The following HPS4 variants were observed in gnomAD, a reference collection of about 807,000 sequenced individuals.
HPS4 encodes BLOC-3 complex member HPS4.
Under a neutral mutation model 70.3 loss-of-function variants are expected in HPS4, and 44 were observed. The observed-to-expected ratio is 0.63, with a 90% CI of 0.49 to 0.80. HPS4 has a LOEUF of 0.80. Among genes scored for constraint, HPS4 ranks in the 30% least tolerant of loss-of-function variants. The probability of loss-of-function intolerance (pLI) is 0.00; values close to 1 mark genes in which losing one functional copy is unlikely to be tolerated. For missense variants in HPS4, 873 were observed against 884.4 expected (o/e 0.99, Z 0.16); for synonymous variants, 377 against 355.9 (o/e 1.06, Z -0.67).
downstream of HPS4, among the ~76,000 whole-genome samples, chr22:26,448,299 TAAAGA>T (rs754750020): frequency 1.6e-4 from 24 of 152,346 alleles, no homozygotes; most frequent in Non-Finnish European, 2.4e-4. Context: ...CTGTCCATTT[TAAAGA>T]AAAGGACACT....
At chr22:26,479,956 T>C (rs2091099327) in intron 2 of HPS4, among the ~76,000 whole-genome samples, 1 of 152,222 alleles carries the variant, frequency 6.6e-6, no homozygotes, top group Admixed American at 6.5e-5. Context: ...CTCTCTACCA[T>C]GCCAAACCTC....
chr22:26,466,012 A>G, intron 9 of HPS4: 1 of 1,488,062 alleles, frequency 6.7e-7, no homozygotes, highest in Non-Finnish European at 9.0e-7. Context: ...AGGGTCTGAA[A>G]GCAGGGATTT....
At chr22:26,458,197 G>C (rs930822211) in intron 12 of HPS4, among the ~76,000 whole-genome samples, 2 of 152,232 alleles carry the variant, frequency 1.3e-5, no homozygotes, top group African/African-American at 4.8e-5. Flanking sequence ...CCCTATCACA[G>C]ATATGTGAAC....
chr22:26,464,140 A>G lies in HPS4; in HGVS notation c.1490T>C (p.Val497Ala). The G allele has an allele frequency of 6.2e-7, 1 of 1,614,152 alleles. No individual in the cohort carries two copies. The highest frequency in any genetic ancestry group is 1.1e-5 in the South Asian group (1 of 91,078). The change falls in exon 11 of 14, where the codon GTC (valine) becomes GCC (alanine). Residue 497 changes from valine (V) to alanine (A), a missense_variant. Val to Ala is a moderately conservative substitution (Grantham distance 64). Coordinates refer to ENST00000398145, the MANE Select transcript of HPS4 (RefSeq NM_022081.6). ...ACCAGGGGCTGCGTGGCTTTCACAG[A>G]CCCCATCAACATCCTCATCCAGGCC... The part of the protein sequence containing the change: ...EQGLDEDVDG[V>A]CESHAAPGLE...
Position 26,463,931 on chromosome 22 carries a change from C to A in HPS4, c.1699G>T (p.Ala567Ser). ...AEEPLLGDSA[A>S]IEEVYHSSLA... ...AGGACACTCACCACTTCCTCTATGG[C>A]TGCGCTGTCTCCCAGCAGCGGCTCC... Residue 567 changes from alanine (A) to serine (S), a missense_variant, in exon 11 of 14, where the codon GCC (alanine) becomes TCC (serine). Ala to Ser is a moderately conservative substitution (Grantham distance 99). Coordinates refer to ENST00000398145, the MANE Select transcript of HPS4 (RefSeq NM_022081.6). 1 of 1,613,578 alleles carries A rather than the reference C, an allele frequency of 6.2e-7. No homozygotes were observed.
At chr22:26,448,503 C>T (rs1356023971), downstream of HPS4, among the ~76,000 whole-genome samples, 1 of 152,230 alleles carries the variant, frequency 6.6e-6, no homozygotes, top group African/African-American at 2.4e-5. Context: ...GAGGACTTGT[C>T]TCCCTCTCCT....
Position 26,479,359 on chromosome 22 carries a change from G to C in HPS4, c.42-4C>G, listed in dbSNP as rs992629614. 19 of 1,613,808 alleles carry C rather than the reference G, an allele frequency of 1.2e-5. No homozygotes were observed. The highest frequency in any genetic ancestry group is 1.4e-5 in the Non-Finnish European group (17 of 1,179,908). On this transcript the variant is annotated splice_region_variant and splice_polypyrimidine_tract_variant and intron_variant, in intron 2 of 13. Transcript: ENST00000398145. The stretch of plus-strand genomic sequence containing the variant: ...ATAAAGAAAAAAATAATTCCACCTG[G>C]CAAGAGAACAGAGTGGAGCCATGTT...
In HPS4 at chr22:26,464,597, C is replaced by A. The variant is rs1400487554; in HGVS notation, c.1033G>T (p.Ala345Ser). 2 of 1,614,094 alleles carry A rather than the reference C, an allele frequency of 1.2e-6. No homozygotes were observed. Among genetic ancestry groups the A allele is most frequent in the African/African-American group, 1.3e-5 (1 of 74,930 alleles). The stretch of plus-strand genomic sequence containing the variant: ...CTGAGGCCAAGAACCTCACCCCTGG[C>A]AGAGTTGTGCAGTCCTGCGGGCCTG... ...SIRPAGLHNS[A>S]RGEVLGLSSS... The change falls in exon 11 of 14, where the codon GCC (alanine) becomes TCC (serine). Residue 345 changes from alanine to serine, a missense_variant. Physicochemically the swap from Ala to Ser is moderately conservative, Grantham distance 99 (BLOSUM62 1). Coordinates refer to ENST00000398145, the MANE Select transcript of HPS4 (RefSeq NM_022081.6).
At chr22:26,470,574 C>A in intron 7 of HPS4, 145 bp downstream of exon 7, 1 of 743,374 alleles carries the variant, frequency 1.3e-6, no homozygotes, top group South Asian at 1.5e-5. Context: ...TAAACTGAGT[C>A]AAATCTAAAC....
chr22:26,453,865 G>A, intron 13 of HPS4: 1 of 245,732 alleles, frequency 4.1e-6, no homozygotes, highest in Non-Finnish European at 8.1e-6. Context: ...CGAGGCAATG[G>A]CAGTGTCCGA....
chr22:26,451,217 G>A lies in HPS4; in HGVS notation c.*2016C>T, dbSNP rs565702698. 3.3e-5 allele frequency among the ~76,000 whole-genome samples: 5 copies of A among 152,316 alleles called. No individual in the cohort carries two copies. In the South Asian group the frequency reaches 8.3e-4, roughly 25 times the overall value. On this transcript the variant is annotated 3_prime_UTR_variant, in exon 14 of 14. Transcript: ENST00000398145. Reference sequence around the variant, plus strand: ...TGCTTGGCTGTCCGTCGCTTGGCCCGTACTCTGGGGGCGCTAATTTTGAGG... The same window carrying A: ...TGCTTGGCTGTCCGTCGCTTGGCCCATACTCTGGGGGCGCTAATTTTGAGG...
chr22:26,447,435 G>A (rs1190222885), downstream of HPS4, among the ~76,000 whole-genome samples: 6 of 152,170 alleles, frequency 3.9e-5, no homozygotes, highest in Non-Finnish European at 8.8e-5. Flanking sequence ...AGTTTGAGTT[G>A]TGGTTTCTAT....
chr22:26,470,649 T>G, intron 7 of HPS4, 70 bp downstream of exon 7: 1 of 1,478,604 alleles, frequency 6.8e-7, no homozygotes, highest in Admixed American at 1.7e-5. Flanking sequence ...CACTGTGATC[T>G]GGAGGTGGCT....
At chr22:26,449,770 GT>G (rs2085081464), downstream of HPS4, among the ~76,000 whole-genome samples, 2 of 152,238 alleles carry the variant, frequency 1.3e-5, no homozygotes, top group South Asian at 4.1e-4. Flanking sequence ...GAGAAAGCAA[GT>G]TGGCAGGAGG....
intron 2 of HPS4, 32 bp from the exon 3 acceptor site, chr22:26,479,387 C>T (rs1016761678): frequency 6.2e-6 from 10 of 1,611,188 alleles, no homozygotes; most frequent in Non-Finnish European, 8.5e-6. Context: ...GCCATGTTTC[C>T]TTTAATCCAG....
intron 10 of HPS4, among the ~76,000 whole-genome samples, 162 bp from the exon 11 acceptor site, chr22:26,464,988 C>T (rs773087264): frequency 2.6e-5 from 4 of 152,260 alleles, no homozygotes; most frequent in Non-Finnish European, 4.4e-5. Flanking sequence ...TAAAAATACA[C>T]CAACATCTGG....
Position 26,464,081 on chromosome 22 carries a change from C to A in HPS4, c.1549G>T (p.Gly517Cys), listed in dbSNP as rs1457927228. The A allele has an allele frequency of 6.2e-7, 1 of 1,614,124 alleles. No individual in the cohort carries two copies. The highest frequency in any genetic ancestry group is 1.3e-5 in the African/African-American group (1 of 74,944). ...ATTCCATCTGCAGAGGGGCCAGCAC[C>A]CTGACAGTTTGCTGAGCCTGAACTG... ...ECSSGSANCQGAGPSADGISS... is the reference protein window; with the variant it reads ...ECSSGSANCQCAGPSADGISS... The change falls in exon 11 of 14, where the codon GGT becomes TGT. Residue 517 changes from glycine to cysteine, a missense_variant. Physicochemically the swap from Gly to Cys is radical, Grantham distance 159 (BLOSUM62 -3). Transcript: ENST00000398145.
intron 13 of HPS4, among the ~76,000 whole-genome samples, chr22:26,455,738 A>T (rs2085999216): frequency 1.3e-5 from 2 of 151,294 alleles, no homozygotes; most frequent in Non-Finnish European, 2.9e-5. Flanking sequence ...TAATAATAAT[A>T]AAATTAAAAA....
At chr22:26,465,980 G>C in intron 9 of HPS4, 3 of 1,283,390 alleles carry the variant, frequency 2.3e-6, no homozygotes, top group Non-Finnish European at 3.2e-6. Context: ...TGACCGAGCA[G>C]TCTCACAATA....
Sources: gnomAD v4.1 joint callset for allele counts (sites outside exome capture counted in the v4.1 genomes callset) on GRCh38, gnomAD v4.1.1 for gene constraint, MANE v1.5 for transcripts, NCBI Gene and HGNC (gene_info 2026-07-23, HGNC 2026-07-21) for gene names.